The following RSF1 variants were observed in gnomAD, a reference collection of about 807,000 sequenced individuals.
RSF1 encodes the protein remodeling and spacing factor 1.
RSF1 carries 13 observed loss-of-function variants against 145.2 expected under a neutral mutation model. The ratio of observed to expected loss-of-function variants is 0.09; its 90% CI spans 0.06 to 0.14. The LOEUF is 0.14. Among genes scored for constraint, RSF1 ranks in the 10% least tolerant of loss-of-function variants. RSF1 has a pLI of 1.00. For missense variants in RSF1, 1,517 were observed against 1,718.2 expected, an observed-to-expected ratio of 0.88 and a Z score of 2.07; for synonymous variants, 577 against 592.6, an observed-to-expected ratio of 0.97 and a Z score of 0.38.
chr11:77,831,918 C>T, the RSF1 span: 1 of 142,654 alleles, frequency 7.0e-6, no homozygotes. Flanking sequence ...CCATGTTGGC[C>T]AGTCTGGTCT....
rs113637838 is a variant in RSF1 at position 77,700,931 on chromosome 11, C to T, written c.2298G>A (p.Glu766=). The T allele has an allele frequency of 5.5e-4, 892 of 1,610,534 alleles. 3 individuals carry two copies. The African/African-American group carries it at 0.011, about 20-fold the overall frequency. ...AAGTACGACCCACATTTGTTTTCTC[C>T]TCTTCCTTTTCTGTCTTCTCTTGCT... is the stretch of plus-strand genomic sequence containing the variant. The part of the protein sequence containing the change: ...ENKQEKTEKE[E]EKTNVGRTLR... Residue 766 remains glutamate, a synonymous_variant, in exon 6 of 16, where the codon GAG becomes GAA. Coordinates refer to ENST00000308488, the MANE Select transcript of RSF1 (RefSeq NM_016578.4).
intron 9 of RSF1, among the ~76,000 whole-genome samples, chr11:77,686,407 T>TAAAAAAAAAAAAAAAAAA: frequency 1.0e-4 from 1 of 9,596 alleles, no homozygotes; most frequent in Non-Finnish European, 1.7e-4. Flanking sequence ...AGACCCTGTC[T>TAAAAAAAAAAAAAAAAAA]CAAAAAAAAA....
intron 13 of RSF1, 59 bp downstream of exon 13, chr11:77,676,733 T>C (rs1345529030): frequency 9.5e-6 from 14 of 1,474,738 alleles, no homozygotes; most frequent in African/African-American, 1.4e-5. Flanking sequence ...GCCTCTCTGC[T>C]AGCCCAGTCC....
intron 1 of RSF1, among the ~76,000 whole-genome samples, chr11:77,806,136 C>A (rs1948674916): frequency 6.6e-6 from 1 of 151,974 alleles, no homozygotes; most frequent in Non-Finnish European, 1.5e-5. Context: ...TTCCAACACC[C>A]CAAAAGAATT....
Position 77,692,339 on chromosome 11 carries a change from G to A in RSF1, c.2821-1101C>T. Among the ~76,000 whole-genome samples the A allele has an allele frequency of 1.8e-5, 2 of 111,016 alleles. 1 individual carries two copies. The highest frequency in any genetic ancestry group is 3.4e-5 in the Non-Finnish European group (2 of 59,252). The allele number at this position is 111,016 out of a possible 152,430, so 72.8% of individuals were successfully genotyped here. ...GGCTCACTGCAAGCTCCGCCTCCTG[G>A]GTTCACGCCATTCTCCTGCCTCAGC... On this transcript the variant is annotated intron_variant, in intron 8 of 15. Coordinates refer to ENST00000308488, the MANE Select transcript of RSF1 (RefSeq NM_016578.4).
At chr11:77,852,224 C>CAAAAAAAAAAAAAA in the RSF1 span, among the ~76,000 whole-genome samples, 1,485 of 33,334 alleles carry the variant, frequency 0.045, 219 homozygotes, top group Non-Finnish European at 0.059. Flanking sequence ...GACACTGTCT[C>CAAAAAAAAAAAAAA]AAAAAAAAAA....
chr11:77,737,957 A>G (rs1393949134), intron 4 of RSF1, among the ~76,000 whole-genome samples: 3 of 152,124 alleles, frequency 2.0e-5, no homozygotes, highest in Admixed American at 6.6e-5. Flanking sequence ...GAGAAACCCC[A>G]TCTCTACTAA....
chr11:77,670,171 G>A (rs896042272), intron 15 of RSF1, among the ~76,000 whole-genome samples: 3 of 152,112 alleles, frequency 2.0e-5, no homozygotes, highest in Non-Finnish European at 2.9e-5. Context: ...GTGGGCTCTC[G>A]TTTGCTGACT....
chr11:77,783,451 C>T (rs867922794), intron 1 of RSF1, among the ~76,000 whole-genome samples: 12 of 152,214 alleles, frequency 7.9e-5, no homozygotes, highest in Middle Eastern at 6.8e-3. Flanking sequence ...TCTGGTTTTA[C>T]CTGTCTGAAA....
chr11:77,730,608 G>A (rs1385523246), intron 4 of RSF1, among the ~76,000 whole-genome samples: 4 of 152,140 alleles, frequency 2.6e-5, no homozygotes, highest in Non-Finnish European at 5.9e-5. Context: ...GTTTGGCTGT[G>A]TCTCCACCCA....
intron 2 of RSF1, among the ~76,000 whole-genome samples, chr11:77,748,163 T>C (rs1171736082): frequency 6.6e-6 from 1 of 150,882 alleles, no homozygotes; most frequent in Non-Finnish European, 1.5e-5. Context: ...AGTATTAATA[T>C]AGAAAAAGAA....
At chr11:77,680,075 C>T (rs187183307) in intron 11 of RSF1, among the ~76,000 whole-genome samples, 1 of 152,254 alleles carries the variant, frequency 6.6e-6, no homozygotes, top group African/African-American at 2.4e-5. Context: ...GAAATAGATT[C>T]TATTTCCATC....
chr11:77,787,440 T>A (rs650171), intron 1 of RSF1, among the ~76,000 whole-genome samples: 19 of 152,076 alleles, frequency 1.2e-4, no homozygotes, highest in African/African-American at 3.9e-4. Context: ...AATTATAGTA[T>A]CTAAAAATAA....
Position 77,802,351 on chromosome 11 carries a change from GTC to G in RSF1, c.187+18175_187+18176del, listed in dbSNP as rs373018125. On this transcript the variant is annotated intron_variant, in intron 1 of 15. Transcript: ENST00000308488. ...TGGGAAGGCAGTCTTGTGGGTCTGA[GTC>G]TTTAATTTGTGGGACTGTGGTAACT... Among the ~76,000 whole-genome samples the G allele has an allele frequency of 2.5e-4, 38 of 152,254 alleles. No individual in the cohort carries two copies. In the East Asian group the frequency reaches 6.4e-3, roughly 26 times the overall value.
chr11:77,818,885 T>C (rs1440223492), intron 1 of RSF1, among the ~76,000 whole-genome samples: 2 of 152,240 alleles, frequency 1.3e-5, no homozygotes, highest in Non-Finnish European at 2.9e-5. Context: ...TGAGAAGCCT[T>C]TATATAATGT....
intron 2 of RSF1, chr11:77,762,718 T>C (rs1316453016): frequency 1.3e-5 from 2 of 152,242 alleles, no homozygotes; most frequent in African/African-American, 2.4e-5. Flanking sequence ...AGGTTGGTAA[T>C]GTCTGCTATG....
chr11:77,782,992 GTCT>G (rs1948419426), intron 1 of RSF1, among the ~76,000 whole-genome samples: 1 of 151,980 alleles, frequency 6.6e-6, no homozygotes, highest in Non-Finnish European at 1.5e-5. Context: ...TCCTTTTAAT[GTCT>G]TCTTTTGAAT....
chr11:77,696,647 G>C (rs1164821066), intron 7 of RSF1, among the ~76,000 whole-genome samples: 1 of 152,194 alleles, frequency 6.6e-6, no homozygotes, highest in African/African-American at 2.4e-5. Flanking sequence ...AGTTTAAAGG[G>C]ACATTAGAAA....
At chr11:77,787,401 C>T (rs1269213874) in intron 1 of RSF1, among the ~76,000 whole-genome samples, 1 of 152,074 alleles carries the variant, frequency 6.6e-6, no homozygotes, top group Non-Finnish European at 1.5e-5. Flanking sequence ...AAGAACATTT[C>T]ATGACAATTT....
Sources: gnomAD v4.1 joint callset for allele counts (sites outside exome capture counted in the v4.1 genomes callset) on GRCh38, gnomAD v4.1.1 for gene constraint, MANE v1.5 for transcripts, NCBI Gene and HGNC (gene_info 2026-07-23, HGNC 2026-07-21) for gene names.